SNCAIP: variants seen among roughly 807,000 people sequenced by gnomAD.
SNCAIP encodes the protein synuclein alpha interacting protein, also known as synphilin-1.
SNCAIP carries 43 observed loss-of-function variants against 86.7 expected under a neutral mutation model. The ratio of observed to expected loss-of-function variants is 0.50; its 90% CI spans 0.39 to 0.64. The LOEUF (loss-of-function observed/expected upper bound fraction) is 0.64, where lower values mean the gene tolerates loss of function less well. SNCAIP is among the 30% of genes least tolerant of loss of function. The pLI is 0.00. For synonymous variants in SNCAIP, 417 were observed against 427.2 expected (o/e 0.98, Z 0.29); for missense variants, 981 against 1,103.1 (o/e 0.89, Z 1.57).
Position 122,425,434 on chromosome 5 carries a change from A to G in SNCAIP, c.1085A>G (p.His362Arg). 1 of 1,613,952 alleles carries G rather than the reference A, an allele frequency of 6.2e-7. No homozygotes were observed. The highest frequency in any genetic ancestry group is 1.6e-4 in the Middle Eastern group (1 of 6,062). ...NLLHIAASQG[H>R]AECLQHLTSL... ...TTACATATTGCGGCGTCACAGGGAC[A>G]CGCAGAGTGTCTACAGCACCTCACT... The change falls in exon 5 of 11, where the codon CAC becomes CGC. Residue 362 changes from histidine to arginine, a missense_variant. Transcript: ENST00000261368.
In SNCAIP at chr5:122,358,387, G is replaced by A. The variant is rs1014946356; in HGVS notation, c.-46-32702G>A. ...CACCCCACAATAGGCCCTGTAAGGG[G>A]ACACTTGGAATATTTAATCATTGTA... is the stretch of plus-strand genomic sequence containing the variant. On this transcript the variant is annotated intron_variant, in intron 1 of 10. Coordinates refer to ENST00000261368, the MANE Select transcript of SNCAIP (RefSeq NM_005460.4). Among the ~76,000 whole-genome samples the A allele has an allele frequency of 8.9e-5, 11 of 124,122 alleles. No homozygotes were observed. The East Asian group carries it at 1.4e-3, about 16-fold the overall frequency. The allele number at this position is 124,122 out of a possible 152,430, so 81.4% of individuals were successfully genotyped here.
chr5:122,403,330 A>G (rs1772231508), intron 2 of SNCAIP, among the ~76,000 whole-genome samples: 1 of 152,234 alleles, frequency 6.6e-6, no homozygotes, highest in Non-Finnish European at 1.5e-5. Flanking sequence ...TGCCTAGTCC[A>G]GTCAGCATCG....
chr5:122,351,536 C>CAAAAAAAAAAA (rs541191012), intron 1 of SNCAIP, among the ~76,000 whole-genome samples: 2,658 of 36,472 alleles, frequency 0.073, 611 homozygotes, highest in Non-Finnish European at 0.11. Context: ...GACTCTGTAT[C>CAAAAAAAAAAA]AAAAAAAAAA....
chr5:122,408,258 C>G (rs1013001382), intron 3 of SNCAIP, among the ~76,000 whole-genome samples: 1 of 152,194 alleles, frequency 6.6e-6, no homozygotes, highest in Non-Finnish European at 1.5e-5. Context: ...TCCCACATAT[C>G]TTTTCTGCTT....
intron 2 of SNCAIP, among the ~76,000 whole-genome samples, chr5:122,399,437 A>C (rs1309083295): frequency 1.3e-5 from 2 of 152,188 alleles, no homozygotes; most frequent in Non-Finnish European, 2.9e-5. Flanking sequence ...TCCTTTATAC[A>C]AAAGTTTAAG....
At chr5:122,442,774 G>A (rs1298623008) in intron 7 of SNCAIP, among the ~76,000 whole-genome samples, 1 of 152,140 alleles carries the variant, frequency 6.6e-6, no homozygotes, top group Non-Finnish European at 1.5e-5. Context: ...TTTAATATGT[G>A]AAGAGAGACA....
At chr5:122,424,220 C>T (rs1228777493) in intron 4 of SNCAIP, among the ~76,000 whole-genome samples, 1 of 152,160 alleles carries the variant, frequency 6.6e-6, no homozygotes, top group Admixed American at 6.5e-5. Flanking sequence ...GAAGCTTACC[C>T]AAGGGCTTCA....
rs1769215227 is a variant in SNCAIP, at chr5:122,390,970, C to T, written c.-46-119C>T. Reference sequence around the variant, plus strand: ...ACAGTTGAAGGAAGGAAATGTGCTCCAAGGCAACACTAGCACCCAATAACC... The same window carrying T: ...ACAGTTGAAGGAAGGAAATGTGCTCTAAGGCAACACTAGCACCCAATAACC... On this transcript the variant is annotated intron_variant, in intron 1 of 10. Transcript: ENST00000261368. 3.0e-5 allele frequency: 19 copies of T among 641,992 alleles called. No individual in the cohort carries two copies. The South Asian group carries it at 3.0e-4, about 10-fold the overall frequency. 39.8% of individuals were successfully genotyped at this position (641,992 alleles called of 1,614,324 possible).
At chr5:122,386,214 A>G (rs1339593333) in intron 1 of SNCAIP, among the ~76,000 whole-genome samples, 1 of 152,232 alleles carries the variant, frequency 6.6e-6, no homozygotes, top group Non-Finnish European at 1.5e-5. Flanking sequence ...TCCAGTCACA[A>G]CAAAAAAATT....
intron 2 of SNCAIP, among the ~76,000 whole-genome samples, chr5:122,391,420 AG>A (rs1245079163): frequency 6.6e-6 from 1 of 152,174 alleles, no homozygotes; most frequent in Non-Finnish European, 1.5e-5. Context: ...AACTTCAATG[AG>A]GCTTTCATTC....
intron 7 of SNCAIP, 25 bp downstream of exon 7, chr5:122,440,779 A>G: frequency 4.4e-6 from 7 of 1,607,216 alleles, no homozygotes; most frequent in African/African-American, 2.7e-5. Flanking sequence ...CTGTTTTGCA[A>G]TGAGAAATGA....
chr5:122,329,749 A>T (rs1276013857), intron 1 of SNCAIP, among the ~76,000 whole-genome samples: 2 of 152,210 alleles, frequency 1.3e-5, no homozygotes, highest in Non-Finnish European at 2.9e-5. Flanking sequence ...AGATATTTAA[A>T]ATTATAAAGG....
intron 3 of SNCAIP, among the ~76,000 whole-genome samples, chr5:122,409,651 T>C (rs1007824316): frequency 1.3e-5 from 2 of 152,226 alleles, no homozygotes; most frequent in Non-Finnish European, 2.9e-5. Flanking sequence ...TTTAAAAGCA[T>C]TGCAAATTCG....
At chr5:122,454,706 C>T (rs1402588208) in intron 10 of SNCAIP, among the ~76,000 whole-genome samples, 1 of 152,134 alleles carries the variant, frequency 6.6e-6, no homozygotes, top group Non-Finnish European at 1.5e-5. Context: ...CCAGCAACCC[C>T]CTGAGGCAAG....
At position 122,318,832 on chromosome 5, in the gene SNCAIP, C is replaced by T. The variant is rs190914682; in HGVS notation, c.-47+6548C>T. ...AGACCAGATAAGGAATCCTTTTCCC[C>T]CTATCATCAGAGAGGATATTTAATA... is the stretch of plus-strand genomic sequence containing the variant. On this transcript the variant is annotated intron_variant, in intron 1 of 10. Transcript: ENST00000261368. Among the ~76,000 whole-genome samples the T allele has an allele frequency of 4.6e-5, 7 of 152,258 alleles. No individual in the cohort carries two copies. In the South Asian group the frequency reaches 1.0e-3, roughly 23 times the overall value.
chr5:122,341,189 A>AG (rs949378246), intron 1 of SNCAIP, among the ~76,000 whole-genome samples: 1 of 152,190 alleles, frequency 6.6e-6, no homozygotes, highest in African/African-American at 2.4e-5. Flanking sequence ...TAAAATTGAC[A>AG]GGGCACGTTT....
chr5:122,318,570 G>A (rs912748049), intron 1 of SNCAIP, among the ~76,000 whole-genome samples: 1 of 152,000 alleles, frequency 6.6e-6, no homozygotes, highest in African/African-American at 2.4e-5. Context: ...CATTTTTTCA[G>A]GTGACTTTCT....
chr5:122,353,502 C>A (rs915825441), intron 1 of SNCAIP, among the ~76,000 whole-genome samples: 1 of 151,866 alleles, frequency 6.6e-6, no homozygotes, highest in African/African-American at 2.4e-5. Context: ...GCTGTGCCCC[C>A]ACCCAAATCT....
intron 10 of SNCAIP, chr5:122,451,816 A>G (rs141708536): frequency 9.0e-5 from 48 of 531,126 alleles, no homozygotes; most frequent in Non-Finnish European, 1.5e-4. Flanking sequence ...TCTAAGAGAG[A>G]AAGGTTAAAA....
Sources: gnomAD v4.1 joint callset for allele counts (sites outside exome capture counted in the v4.1 genomes callset) on GRCh38, gnomAD v4.1.1 for gene constraint, MANE v1.5 for transcripts, NCBI Gene and HGNC (gene_info 2026-07-23, HGNC 2026-07-21) for gene names.